Variants in CCDC126 observed in about 807,000 individuals in gnomAD.
CCDC126 encodes coiled-coil domain containing 126.
CCDC126 carries 5 observed loss-of-function variants against 11.7 expected under a neutral mutation model. The observed-to-expected ratio is 0.43, with a 90% CI of 0.22 to 0.90. The LOEUF is 0.90. Ranked by LOEUF, CCDC126 falls within the 40% of genes least tolerant of loss-of-function variation. CCDC126 has a pLI of 0.27. For synonymous variants in CCDC126, 60 were observed against 61.9 expected, an observed-to-expected ratio of 0.97 and a Z score of 0.14; for missense variants, 150 against 163.1, an observed-to-expected ratio of 0.92 and a Z score of 0.44.
intron 3 of CCDC126, among the ~76,000 whole-genome samples, chr7:23,616,152 T>C (rs184171141): frequency 6.6e-5 from 10 of 152,240 alleles, no homozygotes; most frequent in South Asian, 2.1e-4. Flanking sequence ...TTGCCTAGTT[T>C]TCTACTGCAT....
intron 3 of CCDC126, among the ~76,000 whole-genome samples, chr7:23,613,306 C>T (rs1188102665): frequency 2.0e-5 from 3 of 151,168 alleles, no homozygotes; most frequent in Admixed American, 6.6e-5. Flanking sequence ...GAGTGAGACC[C>T]TGTCTCAAAA....
intron 3 of CCDC126, among the ~76,000 whole-genome samples, chr7:23,638,713 A>T (rs113709953): frequency 0.22 from 16,008 of 73,848 alleles, 682 homozygotes; most frequent in Non-Finnish European, 0.27. Context: ...AATGATCAAT[A>T]AAAAAAAAAA....
chr7:23,642,762 C>CA (rs1178284907), intron 3 of CCDC126, among the ~76,000 whole-genome samples, 169 bp from the exon 4 acceptor site: 2,827 of 129,190 alleles, frequency 0.022, 32 homozygotes, highest in African/African-American at 0.036. Flanking sequence ...AACTCCATCT[C>CA]AAAAAAAAAA....
At chr7:23,631,980 G>A (rs1312792950) in intron 3 of CCDC126, among the ~76,000 whole-genome samples, 1 of 151,700 alleles carries the variant, frequency 6.6e-6, no homozygotes, top group Non-Finnish European at 1.5e-5. Context: ...GGCAAATACA[G>A]TATAAAAAAT....
At position 23,613,172 on chromosome 7, in the gene CCDC126, G is replaced by A. The variant is rs149789427; in HGVS notation, c.238+1619G>A. Among the ~76,000 whole-genome samples the A allele has an allele frequency of 4.5e-3, 687 of 152,212 alleles. 8 individuals are homozygous for A. Among genetic ancestry groups the A allele is most frequent in the African/African-American group, 0.015 (634 of 41,546 alleles). The stretch of plus-strand genomic sequence containing the variant: ...CAGAAAATACAAAAGTTAGTGGGGC[G>A]TGGTGGCGCGCACTTGTAGTTCCAG... On this transcript the variant is annotated intron_variant, in intron 3 of 3. Coordinates refer to ENST00000307471, the MANE Select transcript of CCDC126 (RefSeq NM_138771.4).
chr7:23,638,091 T>C (rs868038316), intron 3 of CCDC126, among the ~76,000 whole-genome samples: 1 of 117,810 alleles, frequency 8.5e-6, no homozygotes, highest in Admixed American at 8.3e-5. Context: ...GGGAGGGTGG[T>C]GGGGGGGTCA....
At chr7:23,623,800 A>G (rs34790831) in intron 3 of CCDC126, among the ~76,000 whole-genome samples, 28,048 of 152,126 alleles carry the variant, frequency 0.18, 2,971 homozygotes, top group Non-Finnish European at 0.25. Context: ...TAATTATTCC[A>G]TATTGTATCC....
intron 3 of CCDC126, among the ~76,000 whole-genome samples, chr7:23,616,823 C>G (rs1021969880): frequency 6.6e-6 from 1 of 152,148 alleles, no homozygotes; most frequent in African/African-American, 2.4e-5. Flanking sequence ...TTATGTCATT[C>G]AATTCTGGGA....
chr7:23,641,630 AT>A (rs950911934), intron 3 of CCDC126, among the ~76,000 whole-genome samples: 1 of 152,164 alleles, frequency 6.6e-6, no homozygotes, highest in African/African-American at 2.4e-5. Context: ...GCTTGGGCTC[AT>A]TTTTTGGTCC....
chr7:23,639,286 A>G (rs1166187153), intron 3 of CCDC126, among the ~76,000 whole-genome samples: 9 of 151,452 alleles, frequency 5.9e-5, no homozygotes, highest in Admixed American at 3.9e-4. Context: ...CTACCTCCCA[A>G]GTTCAAGCAG....
intron 3 of CCDC126, among the ~76,000 whole-genome samples, chr7:23,634,925 A>G (rs1562498646): frequency 6.6e-6 from 1 of 152,136 alleles, no homozygotes; most frequent in Non-Finnish European, 1.5e-5. Flanking sequence ...GCTGTGCCTT[A>G]TAATCACTGA....
intron 3 of CCDC126, among the ~76,000 whole-genome samples, chr7:23,623,496 T>G (rs1782960871): frequency 6.6e-6 from 1 of 150,956 alleles, no homozygotes; most frequent in Non-Finnish European, 1.5e-5. Context: ...CTGTGGAGGC[T>G]GAGGCAGGAG....
intron 3 of CCDC126, 72 bp from the exon 4 acceptor site, chr7:23,642,859 T>C: frequency 7.7e-7 from 1 of 1,293,076 alleles, no homozygotes; most frequent in Non-Finnish European, 1.1e-6. Flanking sequence ...TTCACCTTTT[T>C]CCTTCAAACT....
chr7:23,614,830 T>C (rs114521499), intron 3 of CCDC126, among the ~76,000 whole-genome samples: 298 of 152,322 alleles, frequency 2.0e-3, no homozygotes, highest in African/African-American at 6.5e-3. Flanking sequence ...TAGGTCTTAG[T>C]GGGCTTAAAA....
chr7:23,615,574 G>A (rs1304888344), intron 3 of CCDC126, among the ~76,000 whole-genome samples: 2 of 152,156 alleles, frequency 1.3e-5, no homozygotes, highest in African/African-American at 2.4e-5. Flanking sequence ...CTTTCAACAT[G>A]CCTTCCTCAC....
At chr7:23,601,493 T>C (rs1782543003) in intron 2 of CCDC126, among the ~76,000 whole-genome samples, 1 of 152,238 alleles carries the variant, frequency 6.6e-6, no homozygotes, top group Admixed American at 6.5e-5. Flanking sequence ...ATGGTTTCTA[T>C]TTTATCTTGT....
At chr7:23,635,642 A>G (rs888684368) in intron 3 of CCDC126, among the ~76,000 whole-genome samples, 1 of 152,158 alleles carries the variant, frequency 6.6e-6, no homozygotes, top group African/African-American at 2.4e-5. Flanking sequence ...AAAACAGTTG[A>G]TTTTAGAAAA....
chr7:23,626,940 T>TCCA (rs1783025434), intron 3 of CCDC126, among the ~76,000 whole-genome samples: 1 of 152,234 alleles, frequency 6.6e-6, no homozygotes, highest in Non-Finnish European at 1.5e-5. Context: ...TATCTTTTCC[T>TCCA]CCACATTCTT....
intron 3 of CCDC126, among the ~76,000 whole-genome samples, chr7:23,633,285 C>T (rs984930948): frequency 1.3e-5 from 2 of 152,160 alleles, no homozygotes; most frequent in Non-Finnish European, 2.9e-5. Flanking sequence ...AGCCACTGTG[C>T]CCGGCCCTGC....
Sources: gnomAD v4.1 joint callset for allele counts (sites outside exome capture counted in the v4.1 genomes callset) on GRCh38, gnomAD v4.1.1 for gene constraint, MANE v1.5 for transcripts, NCBI Gene and HGNC (gene_info 2026-07-23, HGNC 2026-07-21) for gene names.